Variants in CHST2 observed in about 807,000 individuals in gnomAD.
CHST2 encodes the protein N-acetylglucosamine 6-O-sulfotransferase 1.
CHST2 carries 23 observed loss-of-function variants against 34.6 expected under a neutral mutation model. The ratio of observed to expected loss-of-function variants is 0.67; its 90% CI spans 0.48 to 0.94. The LOEUF (loss-of-function observed/expected upper bound fraction) is 0.94. Ranked by LOEUF, CHST2 falls within the 40% of genes least tolerant of loss-of-function variation. The probability of loss-of-function intolerance (pLI) is 0.00; values close to 1 mark genes in which losing one functional copy is unlikely to be tolerated. For missense variants in CHST2, 720 were observed against 759.5 expected, an observed-to-expected ratio of 0.95 and a Z score of 0.61; for synonymous variants, 392 against 343.1, an observed-to-expected ratio of 1.14 and a Z score of -1.58.
chr3:143,124,013 C>T lies in CHST2; in HGVS notation c.*1604C>T, dbSNP rs547022694. 1.3e-5 allele frequency: 2 copies of T among 152,320 alleles called. No homozygotes were observed. Among genetic ancestry groups the T allele is most frequent in the East Asian group, 1.9e-4 (1 of 5,188 alleles). The allele number at this position is 152,320 out of a possible 1,614,324, so 9.4% of individuals were successfully genotyped here. A position where few individuals can be genotyped will look rare whatever the true frequency, so the allele number is the denominator to read the frequency against. ...AGTAAATACAGTACAAGTTCACTAT[C>T]ATCATGGTTTTATTTCACTGTGATT... On this transcript the variant is annotated 3_prime_UTR_variant, in exon 2 of 2. Coordinates refer to ENST00000309575, the MANE Select transcript of CHST2 (RefSeq NM_004267.5).
chr3:143,122,044 C>T lies in CHST2; in HGVS notation c.1228C>T (p.Leu410=). ...NSMAKTLQTA[L]QPPDWLQGHY... ...TATGGCTAAGACGCTGCAGACAGCC[C>T]TGCAGCCCCCTGACTGGCTGCAGGG... Residue 410 remains leucine, a synonymous_variant, in exon 2 of 2, where the codon CTG becomes TTG. Transcript: ENST00000309575. 6.2e-7 allele frequency: 1 copy of T among 1,613,770 alleles called. No individual in the cohort carries two copies. The highest frequency in any genetic ancestry group is 8.5e-7 in the Non-Finnish European group (1 of 1,179,890).
rs1936248720 is a variant in CHST2 at position 143,122,701 on chromosome 3, A to T, written c.*292A>T. On this transcript the variant is annotated 3_prime_UTR_variant, in exon 2 of 2. Transcript: ENST00000309575. ...TCTCCTATTTCTTACCCTGTCCTCC[A>T]CCTGCCTTCCATTTTGAAGTGGGAT... is the stretch of plus-strand genomic sequence containing the variant. The T allele has an allele frequency of 3.6e-6, 1 of 279,754 alleles. No individual in the cohort carries two copies. Among genetic ancestry groups the T allele is most frequent in the Non-Finnish European group, 7.0e-6 (1 of 142,482 alleles). 17.3% of individuals were successfully genotyped at this position (279,754 alleles called of 1,614,324 possible).
chr3:143,121,804 T>C lies in CHST2; in HGVS notation c.988T>C (p.Leu330=), dbSNP rs1216852767. ...GGCCCTGGACCTCAAGGTCATCCAC[T>C]TGGTGCGTGATCCCCGCGCGGTGGC... ...DPALDLKVIH[L]VRDPRAVASS... is the part of the protein sequence containing the mutation. Residue 330 remains leucine, a synonymous_variant, in exon 2 of 2, where the codon TTG becomes CTG. Coordinates refer to ENST00000309575, the MANE Select transcript of CHST2 (RefSeq NM_004267.5). The C allele has an allele frequency of 1.2e-6, 2 of 1,605,946 alleles. No homozygotes were observed. Among genetic ancestry groups the C allele is most frequent in the Admixed American group, 3.4e-5 (2 of 59,382 alleles).
Position 143,121,107 on chromosome 3 carries a change from G to T in CHST2, c.291G>T (p.Gly97=), listed in dbSNP as rs1001254892. The T allele has an allele frequency of 2.8e-5, 41 of 1,487,748 alleles. No homozygotes were observed. The Admixed American group carries it at 5.1e-4, about 19-fold the overall frequency. 92.2% of individuals were successfully genotyped at this position (1,487,748 alleles called of 1,614,324 possible). A position where few individuals can be genotyped will look rare whatever the true frequency, so the allele number is the denominator to read the frequency against. ...ATGGGCCGCTGGGTGCCGCAGCGGG[G>T]GCAGCCGGAGGCAGCTGGGGGCGCC... The part of the protein sequence containing the change: ...NPDGPLGAAA[G]AAGGSWGRPG... Residue 97 remains glycine, a synonymous_variant, in exon 2 of 2, where the codon GGG becomes GGT. Coordinates refer to ENST00000309575, the MANE Select transcript of CHST2 (RefSeq NM_004267.5).
At position 143,123,825 on chromosome 3, in the gene CHST2, A is replaced by G. The variant is rs1168663699; in HGVS notation, c.*1416A>G. The G allele has an allele frequency of 6.6e-6, 1 of 152,076 alleles. No homozygotes were observed. The highest frequency in any genetic ancestry group is 1.5e-5 in the Non-Finnish European group (1 of 68,026). The allele number at this position is 152,076 out of a possible 1,614,324, so 9.4% of individuals were successfully genotyped here. A position where few individuals can be genotyped will look rare whatever the true frequency, so the allele number is the denominator to read the frequency against. ...AAATGAACTAGTGTGTAGGATTTTG[A>G]AATTTGGTATTTTCCAGGGAGAAAA... On this transcript the variant is annotated 3_prime_UTR_variant, in exon 2 of 2. Coordinates refer to ENST00000309575, the MANE Select transcript of CHST2 (RefSeq NM_004267.5).
chr3:143,122,627 A>G lies in CHST2; in HGVS notation c.*218A>G. 1 of 456,836 alleles carries G rather than the reference A, an allele frequency of 2.2e-6. No individual in the cohort carries two copies. Among genetic ancestry groups the G allele is most frequent in the South Asian group, 6.3e-5 (1 of 15,882 alleles). The allele number at this position is 456,836 out of a possible 1,614,324, so 28.3% of individuals were successfully genotyped here. On this transcript the variant is annotated 3_prime_UTR_variant, in exon 2 of 2. Transcript: ENST00000309575. ...ACCCCTAAGAAAAGGCAAGACTTGA[A>G]CGTTCTGACCAGGTGCCCCTCTTCT...
chr3:143,122,648 C>T lies in CHST2; in HGVS notation c.*239C>T, dbSNP rs1015263721. 67 of 401,120 alleles carry T rather than the reference C, an allele frequency of 1.7e-4. No homozygotes were observed. The highest frequency in any genetic ancestry group is 9.9e-4 in the African/African-American group (48 of 48,294). 24.8% of individuals were successfully genotyped at this position (401,120 alleles called of 1,614,324 possible). A position where few individuals can be genotyped will look rare whatever the true frequency, so the allele number is the denominator to read the frequency against. On this transcript the variant is annotated 3_prime_UTR_variant, in exon 2 of 2. Transcript: ENST00000309575. ...TTGAACGTTCTGACCAGGTGCCCCT[C>T]TTCTTCTTTGCCTTCTCTTGTCCTC...
Position 143,119,843 on chromosome 3 carries a change from C to A in CHST2, c.-872C>A. The A allele has an allele frequency of 6.6e-6, 1 of 151,432 alleles. No individual in the cohort carries two copies. Among genetic ancestry groups the A allele is most frequent in the South Asian group, 2.0e-4 (1 of 4,948 alleles). 9.4% of individuals were successfully genotyped at this position (151,432 alleles called of 1,614,324 possible). On this transcript the variant is annotated 5_prime_UTR_variant, in exon 1 of 2. Transcript: ENST00000309575. Reference sequence around the variant, plus strand: ...CGGGTAGCAGCATCCTCCTGGGCGCCGCTTTCGCGCGGCGGCGGCGGCTGC... The same window carrying A: ...CGGGTAGCAGCATCCTCCTGGGCGCAGCTTTCGCGCGGCGGCGGCGGCTGC...
chr3:143,120,979 G>A lies in CHST2; in HGVS notation c.163G>A (p.Ala55Thr). 6 of 1,544,122 alleles carry A rather than the reference G, an allele frequency of 3.9e-6. No homozygotes were observed. The highest frequency in any genetic ancestry group is 5.2e-6 in the Non-Finnish European group (6 of 1,146,474). ...CGGAATGAAGGTGTTCCGTAGGAAG[G>A]CGCTGGTGTTGTGCGCGGGCTATGC... The part of the protein sequence containing the change: ...PLGMKVFRRK[A>T]LVLCAGYALL... The change falls in exon 2 of 2, where the codon GCG becomes ACG. Residue 55 changes from alanine (A) to threonine (T), a missense_variant. Transcript: ENST00000309575. This position sits in a 1 kb window ranked among gnomAD's most constrained non-coding sequence, Gnocchi z 4.1.
chr3:143,120,359 G>A lies in CHST2; in HGVS notation c.-356G>A, dbSNP rs1936189285. On this transcript the variant is annotated 5_prime_UTR_variant, in exon 1 of 2. Coordinates refer to ENST00000309575, the MANE Select transcript of CHST2 (RefSeq NM_004267.5). The surrounding 1 kb of genome is among the most constrained non-coding windows in gnomAD (Gnocchi z 4.1). Reference sequence around the variant, plus strand: ...GGGCCGCGTGAAAGTTTTTCTTCCCGAGCCGCAGGGCGCCCGCTGCCCGGA... The same window carrying A: ...GGGCCGCGTGAAAGTTTTTCTTCCCAAGCCGCAGGGCGCCCGCTGCCCGGA... 1 of 153,004 alleles carries A rather than the reference G, an allele frequency of 6.5e-6. No individual in the cohort carries two copies. Among genetic ancestry groups the A allele is most frequent in the Admixed American group, 6.5e-5 (1 of 15,302 alleles). The allele number at this position is 153,004 out of a possible 1,614,324, so 9.5% of individuals were successfully genotyped here.
In CHST2 at chr3:143,123,898, T is replaced by C. The variant is rs1185439444; in HGVS notation, c.*1489T>C. ...TTATGATGTTGTGTCCTGAACCCAT[T>C]TGGTACTGAAACATTCTGCAGAATG... On this transcript the variant is annotated 3_prime_UTR_variant, in exon 2 of 2. Transcript: ENST00000309575. The C allele has an allele frequency of 6.6e-6, 1 of 152,232 alleles. No individual in the cohort carries two copies. Among genetic ancestry groups the C allele is most frequent in the African/African-American group, 2.4e-5 (1 of 41,462 alleles). The allele number at this position is 152,232 out of a possible 1,614,324, so 9.4% of individuals were successfully genotyped here.
rs866355370 is a variant in CHST2, at chr3:143,120,998, G to A, written c.182G>A (p.Gly61Asp). The change falls in exon 2 of 2, where the codon GGC becomes GAC. Residue 61 changes from glycine (G) to aspartate (D), a missense_variant. Physicochemically the swap from Gly to Asp is moderately conservative, Grantham distance 94. Transcript: ENST00000309575. This position sits in a 1 kb window ranked among gnomAD's most constrained non-coding sequence, Gnocchi z 4.1. ...AGGAAGGCGCTGGTGTTGTGCGCGG[G>A]CTATGCACTGCTGCTGGTGCTCACT... ...FRRKALVLCA[G>D]YALLLVLTML... The A allele has an allele frequency of 6.5e-7, 1 of 1,543,734 alleles. No homozygotes were observed. The highest frequency in any genetic ancestry group is 2.5e-5 in the East Asian group (1 of 40,658).
rs1936254566 is a variant in CHST2, at chr3:143,123,184, T to A, written c.*775T>A. 6.6e-6 allele frequency: 1 copy of A among 152,316 alleles called. No homozygotes were observed. Among genetic ancestry groups the A allele is most frequent in the Non-Finnish European group, 1.5e-5 (1 of 68,042 alleles). 9.4% of individuals were successfully genotyped at this position (152,316 alleles called of 1,614,324 possible). A position where few individuals can be genotyped will look rare whatever the true frequency, so the allele number is the denominator to read the frequency against. The stretch of plus-strand genomic sequence containing the variant: ...TAGGTGTCCAGGAGTGAAACACATC[T>A]TTGTATTCTAAAGGCAGAAACCAAA... On this transcript the variant is annotated 3_prime_UTR_variant, in exon 2 of 2. Transcript: ENST00000309575.
Position 143,122,085 on chromosome 3 carries a change from G to A in CHST2, c.1269G>A (p.Val423=). ...GGCTGCAGGGCCACTACCTGGTGGT[G>A]CGGTACGAGGACCTGGTGGGAGACC... ...PDWLQGHYLV[V]RYEDLVGDPV... The change falls in exon 2 of 2, where the codon GTG becomes GTA. Residue 423 remains valine (V), a synonymous_variant. Coordinates refer to ENST00000309575, the MANE Select transcript of CHST2 (RefSeq NM_004267.5). 1.9e-6 allele frequency: 3 copies of A among 1,614,188 alleles called. No individual in the cohort carries two copies. Among genetic ancestry groups the A allele is most frequent in the Non-Finnish European group, 1.7e-6 (2 of 1,180,016 alleles).
chr3:143,120,860 C>A lies in CHST2; in HGVS notation c.44C>A (p.Pro15His). The A allele has an allele frequency of 7.3e-7, 1 of 1,371,748 alleles. No homozygotes were observed. The highest frequency in any genetic ancestry group is 2.7e-4 in the Middle Eastern group (1 of 3,688). The allele number at this position is 1,371,748 out of a possible 1,614,324, so 85.0% of individuals were successfully genotyped here. A position where few individuals can be genotyped will look rare whatever the true frequency, so the allele number is the denominator to read the frequency against. ...CGAGCTCTGCCCCCGGGCGCGCTCC[C>A]TCGGCTGCTCCAGGCTGCGCCTGCA... is the stretch of plus-strand genomic sequence containing the variant. ...PQRALPPGAL[P>H]RLLQAAPAAA... is the part of the protein sequence containing the mutation. The change falls in exon 2 of 2, where the codon CCT becomes CAT. Residue 15 changes from proline (P) to histidine (H), a missense_variant. Physicochemically the swap from Pro to His is moderately conservative, Grantham distance 77 (BLOSUM62 -2). Transcript: ENST00000309575. The surrounding 1 kb of genome is among the most constrained non-coding windows in gnomAD (Gnocchi z 4.1).
rs1258237862 is a variant in CHST2 at position 143,122,862 on chromosome 3, T to C, written c.*453T>C. The C allele has an allele frequency of 5.9e-6, 1 of 169,008 alleles. No individual in the cohort carries two copies. Among genetic ancestry groups the C allele is most frequent in the Non-Finnish European group, 1.4e-5 (1 of 69,520 alleles). The allele number at this position is 169,008 out of a possible 1,614,324, so 10.5% of individuals were successfully genotyped here. ...AGTGGTCCAGAAACAAAAAGCCCCATTGGGCATGATAAGCCGAGGAGGCAT... is the reference window on the plus strand; with the variant it reads ...AGTGGTCCAGAAACAAAAAGCCCCACTGGGCATGATAAGCCGAGGAGGCAT... On this transcript the variant is annotated 3_prime_UTR_variant, in exon 2 of 2. Transcript: ENST00000309575.
chr3:143,120,846 C>T lies in CHST2; in HGVS notation c.30C>T (p.Pro10=). 1 of 1,340,138 alleles carries T rather than the reference C, an allele frequency of 7.5e-7. No homozygotes were observed. Among genetic ancestry groups the T allele is most frequent in the Non-Finnish European group, 9.5e-7 (1 of 1,054,242 alleles). 83.0% of individuals were successfully genotyped at this position (1,340,138 alleles called of 1,614,324 possible). A position where few individuals can be genotyped will look rare whatever the true frequency, so the allele number is the denominator to read the frequency against. Residue 10 remains proline (P), a synonymous_variant, in exon 2 of 2, where the codon CCC becomes CCT. Transcript: ENST00000309575. This position sits in a 1 kb window ranked among gnomAD's most constrained non-coding sequence, Gnocchi z 4.1. MSRSPQRAL[P]PGALPRLLQA... ...GCCGCAGCCCGCAGCGAGCTCTGCCCCCGGGCGCGCTCCCTCGGCTGCTCC... is the reference window on the plus strand; with the variant it reads ...GCCGCAGCCCGCAGCGAGCTCTGCCTCCGGGCGCGCTCCCTCGGCTGCTCC...
Position 143,121,321 on chromosome 3 carries a change from G to T in CHST2, c.505G>T (p.Val169Leu), listed in dbSNP as rs1578207348. ...GVGDKRQLVY[V>L]FTTWRSGSSF... Reference sequence around the variant, plus strand: ...CGGGGACAAGCGGCAGCTGGTGTACGTGTTCACCACGTGGCGCTCTGGCTC... The same window carrying T: ...CGGGGACAAGCGGCAGCTGGTGTACTTGTTCACCACGTGGCGCTCTGGCTC... Residue 169 changes from valine to leucine, a missense_variant, in exon 2 of 2, where the codon GTG (valine) becomes TTG (leucine). Around this residue, in one of 4 missense-constraint regions of CHST2, gnomAD observed 43 missense variants for 77.6 expected, o/e 0.55. Transcript: ENST00000309575. 6.2e-7 allele frequency: 1 copy of T among 1,613,452 alleles called. No individual in the cohort carries two copies. Among genetic ancestry groups the T allele is most frequent in the South Asian group, 1.1e-5 (1 of 91,084 alleles).
Position 143,121,630 on chromosome 3 carries a change from G to C in CHST2, c.814G>C (p.Val272Leu), listed in dbSNP as rs1578207556. ...PLCPAYRKEV[V>L]GLVDDRVCKK... ...CTGCCCCGCCTACCGCAAGGAGGTC[G>C]TGGGGTTGGTGGACGACCGCGTGTG... Residue 272 changes from valine (V) to leucine (L), a missense_variant, in exon 2 of 2, where the codon GTG becomes CTG. Coordinates refer to ENST00000309575, the MANE Select transcript of CHST2 (RefSeq NM_004267.5). The C allele has an allele frequency of 6.3e-7, 1 of 1,580,382 alleles. No homozygotes were observed. Among genetic ancestry groups the C allele is most frequent in the East Asian group, 2.3e-5 (1 of 44,146 alleles).
Sources: allele counts gnomAD v4.1 joint callset, GRCh38; gene constraint gnomAD v4.1.1; regional missense constraint gnomAD v4.1.1; non-coding constraint Gnocchi (gnomAD v3.1); transcripts MANE v1.5; gene names NCBI Gene and HGNC (gene_info 2026-07-23, HGNC 2026-07-21).